Variants in PPIG observed in about 807,000 individuals in gnomAD.
PPIG encodes peptidylprolyl isomerase G, also known as peptidyl-prolyl cis-trans isomerase G.
A neutral mutation model predicts 87.9 loss-of-function variants in PPIG; 26 were observed. The observed-to-expected ratio is 0.30, with a 90% confidence interval of 0.22 to 0.41. The LOEUF is 0.41. PPIG is among the 10% of genes least tolerant of loss of function. The pLI is 1.00. For synonymous variants in PPIG, 308 were observed against 276.5 expected (o/e 1.11, Z -1.13); for missense variants, 722 against 879.4 (o/e 0.82, Z 2.26).
chr2:169,627,211 A>T (rs1482801196), intron 9 of PPIG, among the ~76,000 whole-genome samples: 1 of 151,640 alleles, frequency 6.6e-6, no homozygotes, highest in African/African-American at 2.4e-5. Context: ...CGATTCTCGT[A>T]CCTCAGCCTC....
Position 169,584,496 on chromosome 2 carries a change from T to C in PPIG, c.-70+6T>C, listed in dbSNP as rs1684643043. 1 of 470,446 alleles carries C rather than the reference T, an allele frequency of 2.1e-6. No homozygotes were observed. Among genetic ancestry groups the C allele is most frequent in the South Asian group, 1.6e-5 (1 of 64,464 alleles). The allele number at this position is 470,446 out of a possible 1,614,324, so 29.1% of individuals were successfully genotyped here. The stretch of plus-strand genomic sequence containing the variant: ...GGAAAACTCTACCGGTGCAGGTAAG[T>C]GGTATGAGGCTCAAGTTGTTCTGGC... On this transcript the variant is annotated splice_donor_region_variant and intron_variant, in intron 1 of 13. Transcript: ENST00000260970.
intron 1 of PPIG, among the ~76,000 whole-genome samples, chr2:169,601,417 A>G (rs1263269702): frequency 6.6e-6 from 1 of 152,224 alleles, no homozygotes; most frequent in Non-Finnish European, 1.5e-5. Flanking sequence ...GAGAAGATGG[A>G]TATAAAAATT....
Position 169,592,307 on chromosome 2 carries a change from T to TTC in PPIG, c.-70+7818_-70+7819insCT, listed in dbSNP as rs1553543301. 7.4e-4 allele frequency among the ~76,000 whole-genome samples: 99 copies of TTC among 133,552 alleles called. 1 individual carries two copies. Among genetic ancestry groups the TTC allele is most frequent in the Middle Eastern group, 3.6e-3 (1 of 278 alleles). The allele number at this position is 133,552 out of a possible 152,430, so 87.6% of individuals were successfully genotyped here. A position where few individuals can be genotyped will look rare whatever the true frequency, so the allele number is the denominator to read the frequency against. ...CTGGTTTCAGATGTCTTTTTTCTTT[T>TTC]TTTTTTTTTTTTTTTGAGATGGAGT... On this transcript the variant is annotated intron_variant, in intron 1 of 13. Transcript: ENST00000260970.
chr2:169,626,951 C>G (rs1449207548), intron 9 of PPIG, among the ~76,000 whole-genome samples: 1 of 152,148 alleles, frequency 6.6e-6, no homozygotes, highest in Admixed American at 6.5e-5. Context: ...TTCAAGTGAT[C>G]TGCCTGCTTT....
chr2:169,621,262 G>A (rs1685739751), intron 9 of PPIG, among the ~76,000 whole-genome samples: 2 of 151,644 alleles, frequency 1.3e-5, no homozygotes, highest in South Asian at 4.1e-4. Context: ...CATCCGAGAT[G>A]GGCATGGAGA....
intron 9 of PPIG, among the ~76,000 whole-genome samples, chr2:169,620,391 C>T (rs77247565): frequency 0.034 from 5,181 of 152,038 alleles, 321 homozygotes; most frequent in African/African-American, 0.12. Flanking sequence ...TTTTATCCTA[C>T]TTCTCATTTT....
chr2:169,626,669 C>T (rs559736636), intron 9 of PPIG, among the ~76,000 whole-genome samples: 30 of 149,696 alleles, frequency 2.0e-4, no homozygotes, highest in Non-Finnish European at 3.7e-4. Context: ...GGATTATAGG[C>T]GTGAGCCACC....
At chr2:169,620,318 C>T (rs994224525) in intron 9 of PPIG, among the ~76,000 whole-genome samples, 8 of 151,950 alleles carry the variant, frequency 5.3e-5, no homozygotes, top group Non-Finnish European at 1.0e-4. Flanking sequence ...GTTCCAACAC[C>T]GTTTATTGAA....
At chr2:169,594,144 C>A (rs1574436504) in intron 1 of PPIG, among the ~76,000 whole-genome samples, 2 of 151,848 alleles carry the variant, frequency 1.3e-5, no homozygotes, top group African/African-American at 4.8e-5. Context: ...TAGAGTAGTT[C>A]CTCATAATAG....
chr2:169,632,015 T>G, intron 11 of PPIG, 82 bp downstream of exon 11: 1 of 1,340,812 alleles, frequency 7.5e-7, no homozygotes, highest in Non-Finnish European at 9.7e-7. Flanking sequence ...TAAACAAGAT[T>G]TAATTGGTGA....
chr2:169,631,574 TTTTG>T (rs1316330815), intron 10 of PPIG, 188 bp from the exon 11 acceptor site: 3 of 1,354,346 alleles, frequency 2.2e-6, no homozygotes, highest in Non-Finnish European at 2.8e-6. Flanking sequence ...AAACGTTTTG[TTTTG>T]TTTGTTTTTT....
At chr2:169,616,868 A>C (rs1685621118) in intron 9 of PPIG, among the ~76,000 whole-genome samples, 1 of 152,064 alleles carries the variant, frequency 6.6e-6, no homozygotes, top group Non-Finnish European at 1.5e-5. Flanking sequence ...CCCATTTGTC[A>C]ATTTTGGCTT....
chr2:169,600,290 G>T (rs935473422), intron 1 of PPIG, among the ~76,000 whole-genome samples: 19 of 152,056 alleles, frequency 1.2e-4, no homozygotes, highest in Non-Finnish European at 2.5e-4. Context: ...GCCCAGGCTG[G>T]TCTCGAACAG....
Position 169,631,822 on chromosome 2 carries a change from G to A in PPIG, c.818G>A (p.Arg273His), listed in dbSNP as rs148950843. Residue 273 changes from arginine to histidine, a missense_variant, in exon 11 of 14, where the codon CGT (arginine) becomes CAT (histidine). By Grantham distance (29) the Arg-to-His change is conservative (BLOSUM62 0). Around this residue, in one of 4 missense-constraint regions of PPIG, gnomAD observed 142 missense variants for 152.8 expected, o/e 0.93. Coordinates refer to ENST00000260970, the MANE Select transcript of PPIG (RefSeq NM_004792.3). Reference sequence around the variant, plus strand: ...GAAGCACAACCCCAGTCTACTGTCCGTCCAGAAGAGATCCCTCCTATACCT... The same window carrying A: ...GAAGCACAACCCCAGTCTACTGTCCATCCAGAAGAGATCCCTCCTATACCT... ...NLEAQPQSTV[R>H]PEEIPPIPEN... is the part of the protein sequence containing the mutation. 1.2e-5 allele frequency: 20 copies of A among 1,613,494 alleles called. No individual in the cohort carries two copies. The highest frequency in any genetic ancestry group is 3.3e-5 in the South Asian group (3 of 91,072).
intron 6 of PPIG, 52 bp from the exon 7 acceptor site, chr2:169,608,618 AT>A: frequency 5.7e-6 from 7 of 1,223,928 alleles, no homozygotes; most frequent in East Asian, 4.8e-5. Flanking sequence ...TGAAGATGAA[AT>A]TTTTTTGGAG....
chr2:169,590,258 CTG>C (rs1398544565), intron 1 of PPIG, among the ~76,000 whole-genome samples: 2 of 152,156 alleles, frequency 1.3e-5, no homozygotes, highest in South Asian at 2.1e-4. Context: ...GATAACGTCA[CTG>C]TGTTTGGTGT....
intron 9 of PPIG, among the ~76,000 whole-genome samples, chr2:169,615,785 T>C (rs940285176): frequency 1.3e-5 from 2 of 152,254 alleles, no homozygotes; most frequent in African/African-American, 4.8e-5. Context: ...TTCAACACAC[T>C]GATCTCATTT....
intron 1 of PPIG, among the ~76,000 whole-genome samples, chr2:169,588,459 C>T (rs1684767025): frequency 6.6e-6 from 1 of 152,032 alleles, no homozygotes; most frequent in South Asian, 2.1e-4. Context: ...CTCTTTTGTC[C>T]TCTTGTTCTT....
At chr2:169,588,979 A>G (rs1245416763) in intron 1 of PPIG, among the ~76,000 whole-genome samples, 1 of 151,344 alleles carries the variant, frequency 6.6e-6, no homozygotes, top group Non-Finnish European at 1.5e-5. Context: ...AAAAAAAAAA[A>G]AAAACCTTAG....
Sources: allele counts gnomAD v4.1 joint callset (sites outside exome capture counted in the v4.1 genomes callset), GRCh38; gene constraint gnomAD v4.1.1; regional missense constraint gnomAD v4.1.1; transcripts MANE v1.5; gene names NCBI Gene and HGNC (gene_info 2026-07-23, HGNC 2026-07-21).